Variants in WNT2B observed in about 807,000 individuals in gnomAD.
WNT2B encodes Wnt family member 2B.
Under a neutral mutation model 40.5 loss-of-function variants are expected in WNT2B, and 19 were observed. The observed-to-expected ratio is 0.47, with a 90% confidence interval of 0.33 to 0.69. The LOEUF is 0.69. Among genes scored for constraint, WNT2B ranks in the 30% least tolerant of loss-of-function variants. WNT2B has a pLI of 0.02. For missense variants in WNT2B, 467 were observed against 556.4 expected (o/e 0.84, Z 1.62); for synonymous variants, 220 against 211.9 (o/e 1.04, Z -0.33).
intron 1 of WNT2B, among the ~76,000 whole-genome samples, chr1:112,475,779 G>C (rs577826474): frequency 2.1e-4 from 32 of 152,032 alleles, no homozygotes; most frequent in African/African-American, 7.5e-4. Flanking sequence ...AAGAACCTAT[G>C]GTAGAAAAAT....
chr1:112,474,338 C>T (rs1402475082), intron 1 of WNT2B, among the ~76,000 whole-genome samples: 6 of 151,632 alleles, frequency 4.0e-5, no homozygotes, highest in South Asian at 4.2e-4. Flanking sequence ...TTAGTGGAGA[C>T]GGGGTTTCAC....
upstream of WNT2B, among the ~76,000 whole-genome samples, chr1:112,505,043 A>T (rs1466239641): frequency 1.3e-5 from 2 of 152,224 alleles, no homozygotes; most frequent in Non-Finnish European, 2.9e-5. Flanking sequence ...ACTCTGTCCC[A>T]CCAGAGAGCA....
Position 112,526,328 on chromosome 1 carries a change from T to A in WNT2B, c.*5819T>A, listed in dbSNP as rs1176182212. On this transcript the variant is annotated 3_prime_UTR_variant, in exon 5 of 5. Transcript: ENST00000369684. ...TTTAAACAACTCTGGCTCCTAATTC[T>A]ACTCCTTTTTTCCCCTTCAGATTAA... 8.4e-6 allele frequency: 4 copies of A among 476,220 alleles called. No homozygotes were observed. In the Admixed American group the frequency reaches 1.4e-4, roughly 17 times the overall value. 29.5% of individuals were successfully genotyped at this position (476,220 alleles called of 1,614,324 possible).
intron 4 of WNT2B, 95 bp downstream of exon 4, chr1:112,517,480 AG>A: frequency 1.4e-6 from 2 of 1,459,984 alleles, no homozygotes; most frequent in South Asian, 1.4e-5. Context: ...GAGTTAGGGA[AG>A]GGGGTGCTGT....
At position 112,521,970 on chromosome 1, in the gene WNT2B, T is replaced by G. The variant is rs1652904617; in HGVS notation, c.*1461T>G. The G allele has an allele frequency of 6.6e-6, 1 of 152,202 alleles. No homozygotes were observed. Among genetic ancestry groups the G allele is most frequent in the Non-Finnish European group, 1.5e-5 (1 of 68,038 alleles). The allele number at this position is 152,202 out of a possible 1,614,324, so 9.4% of individuals were successfully genotyped here. A position where few individuals can be genotyped will look rare whatever the true frequency, so the allele number is the denominator to read the frequency against. ...TGATATTTTGAGCAAGGTAGCTAAA[T>G]TTTCTGAGCTTCTATTTTCTCATCT... is the stretch of plus-strand genomic sequence containing the variant. On this transcript the variant is annotated 3_prime_UTR_variant, in exon 5 of 5. Coordinates refer to ENST00000369684, the MANE Select transcript of WNT2B (RefSeq NM_024494.3).
chr1:112,495,412 C>T (rs1174554416), intron 1 of WNT2B, among the ~76,000 whole-genome samples: 1 of 151,820 alleles, frequency 6.6e-6, no homozygotes, highest in East Asian at 1.9e-4. Flanking sequence ...CCCGTCTCTA[C>T]TAAAAATACA....
chr1:112,508,709 C>T (rs1652210495), upstream of WNT2B: 2 of 985,562 alleles, frequency 2.0e-6, no homozygotes, highest in African/African-American at 3.5e-5. The surrounding 1 kb of genome is among the most constrained non-coding windows in gnomAD (Gnocchi z 4.2). Flanking sequence ...GACCCGGTGG[C>T]GCGGTGTCGG....
chr1:112,520,017 T>C (rs925633195), intron 4 of WNT2B, among the ~76,000 whole-genome samples: 3 of 151,830 alleles, frequency 2.0e-5, no homozygotes, highest in Non-Finnish European at 4.4e-5. Context: ...GACTACAGGC[T>C]CATGCCCATG....
intron 1 of WNT2B, among the ~76,000 whole-genome samples, chr1:112,496,624 G>C (rs1651780492): frequency 6.6e-6 from 1 of 151,404 alleles, no homozygotes; most frequent in African/African-American, 2.4e-5. Context: ...TTTCGAGACG[G>C]AGTTTCACTC....
chr1:112,494,608 A>G (rs1468120447), intron 1 of WNT2B, among the ~76,000 whole-genome samples: 1 of 151,530 alleles, frequency 6.6e-6, no homozygotes, highest in Non-Finnish European at 1.5e-5. Flanking sequence ...TAAAATATTT[A>G]AAGTATTGAG....
At chr1:112,466,951 C>A (rs1204720950) in exon 1 of WNT2B, 1 of 152,414 alleles carries the variant, frequency 6.6e-6, no homozygotes, top group Non-Finnish European at 1.5e-5. Flanking sequence ...AAGTTACAGG[C>A]CTTTAGGGAT....
At chr1:112,508,888 C>G, upstream of WNT2B, 1 of 1,042,440 alleles carries the variant, frequency 9.6e-7, no homozygotes, top group Non-Finnish European at 1.2e-6. The surrounding 1 kb of genome is among the most constrained non-coding windows in gnomAD (Gnocchi z 4.2). Flanking sequence ...CGGAGCCGCC[C>G]TAAGGGCCGC....
intron 4 of WNT2B, among the ~76,000 whole-genome samples, chr1:112,519,924 A>C (rs2101099631): frequency 7.3e-6 from 1 of 137,496 alleles, no homozygotes; most frequent in Admixed American, 8.0e-5. Flanking sequence ...CCCAGGCTAG[A>C]GTGCAGTGGT....
chr1:112,471,516 G>A (rs1285292177), intron 1 of WNT2B, among the ~76,000 whole-genome samples: 1 of 152,166 alleles, frequency 6.6e-6, no homozygotes, highest in Non-Finnish European at 1.5e-5. Flanking sequence ...TAAAGAGTGA[G>A]TGTCTAATGT....
At position 112,524,612 on chromosome 1, in the gene WNT2B, G is replaced by C. The variant is rs1215096430; in HGVS notation, c.*4103G>C. On this transcript the variant is annotated 3_prime_UTR_variant, in exon 5 of 5. Transcript: ENST00000369684. Reference sequence around the variant, plus strand: ...CCTGGTTATTGATGGCCTTGGTGGAGGCCTCTGCCCCGACCCTCCACTTGG... The same window carrying C: ...CCTGGTTATTGATGGCCTTGGTGGACGCCTCTGCCCCGACCCTCCACTTGG... 2 of 152,608 alleles carry C rather than the reference G, an allele frequency of 1.3e-5. No homozygotes were observed. Among genetic ancestry groups the C allele is most frequent in the East Asian group, 3.9e-4 (2 of 5,194 alleles). 9.5% of individuals were successfully genotyped at this position (152,608 alleles called of 1,614,324 possible).
intron 1 of WNT2B, among the ~76,000 whole-genome samples, chr1:112,474,192 C>T (rs1314123830): frequency 6.6e-6 from 1 of 152,094 alleles, no homozygotes; most frequent in Non-Finnish European, 1.5e-5. Flanking sequence ...GTCGCCCAGG[C>T]TGGAGTGTGG....
chr1:112,513,477 G>A (rs1012079077), intron 1 of WNT2B, among the ~76,000 whole-genome samples: 10 of 144,096 alleles, frequency 6.9e-5, no homozygotes, highest in African/African-American at 1.8e-4. Context: ...AGCCCTCCTT[G>A]TGTTTGTTTG....
Position 112,520,778 on chromosome 1 carries a change from G to A in WNT2B, c.*269G>A. 2.0e-6 allele frequency: 1 copy of A among 499,368 alleles called. No individual in the cohort carries two copies. The highest frequency in any genetic ancestry group is 3.6e-6 in the Non-Finnish European group (1 of 280,654). The allele number at this position is 499,368 out of a possible 1,614,324, so 30.9% of individuals were successfully genotyped here. ...GAGTAGAAGAGATAGGGGGTCTTTA[G>A]AGTGAAATGAGTTGCACTAAAGTAC... On this transcript the variant is annotated 3_prime_UTR_variant, in exon 5 of 5. Coordinates refer to ENST00000369684, the MANE Select transcript of WNT2B (RefSeq NM_024494.3).
chr1:112,484,290 T>TATACACATATATATATATATATACACAC (rs1294363726), intron 1 of WNT2B, among the ~76,000 whole-genome samples: 3 of 126,048 alleles, frequency 2.4e-5, no homozygotes, highest in African/African-American at 1.0e-4. Context: ...TATATATATA[T>TATACACATATATATATATATATACACAC]ACACACACAT....
Sources: gnomAD v4.1 joint callset for allele counts (sites outside exome capture counted in the v4.1 genomes callset) on GRCh38, gnomAD v4.1.1 for gene constraint, Gnocchi (gnomAD v3.1) non-coding constraint, MANE v1.5 for transcripts, NCBI Gene and HGNC (gene_info 2026-07-23, HGNC 2026-07-21) for gene names.